The following ZNF442 variants were observed in gnomAD, a reference collection of about 807,000 sequenced individuals.
ZNF442 encodes zinc finger protein 442.
A neutral mutation model predicts 57.0 loss-of-function variants in ZNF442; 45 were observed. The ratio of observed to expected loss-of-function variants is 0.79; its 90% CI spans 0.62 to 1.01. ZNF442 has a LOEUF of 1.01. Ranked by LOEUF, ZNF442 falls within the 50% of genes least tolerant of loss-of-function variation. The pLI is 0.00. For missense variants in ZNF442, 690 were observed against 756.5 expected, an observed-to-expected ratio of 0.91 and a Z score of 1.03; for synonymous variants, 213 against 241.8, an observed-to-expected ratio of 0.88 and a Z score of 1.10.
At chr19:12,357,222 A>G (rs1029962148) in intron 3 of ZNF442, among the ~76,000 whole-genome samples, 4 of 150,182 alleles carry the variant, frequency 2.7e-5, no homozygotes, top group Admixed American at 6.6e-5. Flanking sequence ...TTTTAGTTCT[A>G]TTTTTTTTGC....
chr19:12,356,326 T>A (rs1291512132), intron 3 of ZNF442, among the ~76,000 whole-genome samples: 1 of 151,854 alleles, frequency 6.6e-6, no homozygotes, highest in Non-Finnish European at 1.5e-5. Context: ...ATGTACAGTA[T>A]GCTTAAAAAC....
upstream of ZNF442, chr19:12,365,998 A>G (rs1356247176): frequency 6.6e-6 from 1 of 152,224 alleles, no homozygotes; most frequent in Non-Finnish European, 1.5e-5. Context: ...TTCGAGACTC[A>G]CTGCCCAGTG....
rs1020483655 is a variant in ZNF442 at position 12,362,685 on chromosome 19, C to T, written c.78+869G>A. On this transcript the variant is annotated intron_variant, in intron 3 of 5. Transcript: ENST00000242804. ...CTGGGAGGTGGGGGGCCCCTCTGCC[C>T]GGCCGCCACCCCGTCTGGGAGGTGT... Among the ~76,000 whole-genome samples, 7 of 149,030 alleles carry T rather than the reference C, an allele frequency of 4.7e-5. No individual in the cohort carries two copies. The South Asian group carries it at 6.2e-4, about 13-fold the overall frequency.
At chr19:12,355,363 A>AT (rs111591151) in intron 3 of ZNF442, among the ~76,000 whole-genome samples, 1,796 of 137,172 alleles carry the variant, frequency 0.013, 14 homozygotes, top group Non-Finnish European at 0.021. Flanking sequence ...TTTAATGAGA[A>AT]TTTTTTTTTT....
chr19:12,353,298 T>C (rs968847733), intron 3 of ZNF442, among the ~76,000 whole-genome samples, 184 bp from the exon 4 acceptor site: 1 of 152,240 alleles, frequency 6.6e-6, no homozygotes, highest in Non-Finnish European at 1.5e-5. Context: ...TAGAATTGAA[T>C]GTTGTTGTAC....
the ZNF442 span, among the ~76,000 whole-genome samples, chr19:12,372,295 A>G: frequency 6.6e-6 from 1 of 152,068 alleles, no homozygotes; most frequent in East Asian, 1.9e-4. Context: ...CATCTCTACT[A>G]AAAATACAAA....
Position 12,349,736 on chromosome 19 carries a change from T to C in ZNF442, c.1849A>G (p.Arg617Gly), listed in dbSNP as rs1370431426. 2.2e-5 allele frequency: 35 copies of C among 1,612,696 alleles called. No homozygotes were observed. The highest frequency in any genetic ancestry group is 1.6e-4 in the Middle Eastern group (1 of 6,072). ...TCTCTCCAGTGAGTCCTTTTATGTCTATGCAAGGAACTGAGAGAACTCAGT... is the reference window on the plus strand; with the variant it reads ...TCTCTCCAGTGAGTCCTTTTATGTCCATGCAAGGAACTGAGAGAACTCAGT... ...KALSSLSSLH[R>G]HKRTHWRDTL The change falls in exon 6 of 6, where the codon AGA becomes GGA. Residue 617 changes from arginine to glycine, a missense_variant. Arg to Gly is a moderately radical substitution (Grantham distance 125, BLOSUM62 -2). Coordinates refer to ENST00000242804, the MANE Select transcript of ZNF442 (RefSeq NM_030824.3).
At chr19:12,370,338 G>T (rs1222483836), upstream of ZNF442, among the ~76,000 whole-genome samples, 4 of 151,990 alleles carry the variant, frequency 2.6e-5, no homozygotes, top group African/African-American at 9.7e-5. Flanking sequence ...TGCTGCCTCT[G>T]ATATGACAGA....
At chr19:12,355,318 C>T (rs889161670) in intron 3 of ZNF442, among the ~76,000 whole-genome samples, 2 of 147,184 alleles carry the variant, frequency 1.4e-5, no homozygotes, top group Non-Finnish European at 3.0e-5. Context: ...AAAGACAAAA[C>T]TAGTATTTTA....
upstream of ZNF442, among the ~76,000 whole-genome samples, chr19:12,366,874 A>G (rs1969538151): frequency 6.6e-6 from 1 of 152,194 alleles, no homozygotes; most frequent in Non-Finnish European, 1.5e-5. Context: ...AGCTCAGGCA[A>G]TCCGCCGGCC....
At chr19:12,359,291 G>A (rs981196388) in intron 3 of ZNF442, among the ~76,000 whole-genome samples, 2 of 151,992 alleles carry the variant, frequency 1.3e-5, no homozygotes, top group African/African-American at 2.4e-5. Flanking sequence ...TTTACCCAAG[G>A]CCTGTAATTC....
Position 12,350,079 on chromosome 19 carries a change from G to T in ZNF442, c.1506C>A (p.Tyr502Ter). The change falls in exon 6 of 6, where the codon TAC (tyrosine) becomes TAA (stop). Residue 502 changes from tyrosine to a stop codon, truncating the protein, a stop_gained. Coordinates refer to ENST00000242804, the MANE Select transcript of ZNF442 (RefSeq NM_030824.3). LOFTEE classifies it high-confidence loss of function. ...ECGKAFSCFT[Y>*]LSQHRRTHMA... ...TGTGAGTCCTTCTATGTTGAGAAAG[G>T]TATGTGAAACAACTGAATGCTTTCC... 6.2e-7 allele frequency: 1 copy of T among 1,613,838 alleles called. No homozygotes were observed. The highest frequency in any genetic ancestry group is 8.5e-7 in the Non-Finnish European group (1 of 1,179,938).
chr19:12,350,193 T>C lies in ZNF442; in HGVS notation c.1392A>G (p.Lys464=). ...THTGEKPYKC[K]CGKAFIDFYS... ...AGAAATCAATAAAGGCTTTCCCACATTTACATTTATAGGGTTTCTCTCCAG... is the reference window on the plus strand; with the variant it reads ...AGAAATCAATAAAGGCTTTCCCACACTTACATTTATAGGGTTTCTCTCCAG... The change falls in exon 6 of 6, where the codon AAA becomes AAG. Residue 464 remains lysine, a synonymous_variant. Transcript: ENST00000242804. 6.2e-7 allele frequency: 1 copy of C among 1,613,626 alleles called. No homozygotes were observed. The highest frequency in any genetic ancestry group is 8.5e-7 in the Non-Finnish European group (1 of 1,179,858).
intron 3 of ZNF442, among the ~76,000 whole-genome samples, chr19:12,361,447 G>T (rs1969424133): frequency 6.6e-6 from 1 of 152,038 alleles, no homozygotes; most frequent in Non-Finnish European, 1.5e-5. Flanking sequence ...CTAAAGTTTT[G>T]GTAAATCTTT....
chr19:12,357,116 T>C (rs1006624372), intron 3 of ZNF442, among the ~76,000 whole-genome samples: 1 of 152,172 alleles, frequency 6.6e-6, no homozygotes, highest in Non-Finnish European at 1.5e-5. Flanking sequence ...ATCAAAAACC[T>C]TTTCATCGTA....
In ZNF442 at chr19:12,365,543, C is replaced by A. The variant is rs1315022842; in HGVS notation, c.-493G>T. The A allele has an allele frequency of 3.6e-6, 2 of 561,840 alleles. No homozygotes were observed. The highest frequency in any genetic ancestry group is 4.0e-5 in the African/African-American group (2 of 49,670). 34.8% of individuals were successfully genotyped at this position (561,840 alleles called of 1,614,324 possible). A position where few individuals can be genotyped will look rare whatever the true frequency, so the allele number is the denominator to read the frequency against. ...GCCCCGCACACTCACCATTTCCCGGCTTCCGCGGTGTCCCGTGTTCTCCCC... is the reference window on the plus strand; with the variant it reads ...GCCCCGCACACTCACCATTTCCCGGATTCCGCGGTGTCCCGTGTTCTCCCC... On this transcript the variant is annotated 5_prime_UTR_variant, in exon 1 of 6. Transcript: ENST00000242804.
At chr19:12,366,020 T>C (rs1321465127), upstream of ZNF442, 1 of 152,294 alleles carries the variant, frequency 6.6e-6, no homozygotes, top group Non-Finnish European at 1.5e-5. Context: ...AGCCATCCCC[T>C]GGCCTCAGAG....
chr19:12,353,048 A>G lies in ZNF442; in HGVS notation c.145T>C (p.Ser49Pro), dbSNP rs368088408. 6.8e-6 allele frequency: 11 copies of G among 1,613,630 alleles called. No homozygotes were observed. The highest frequency in any genetic ancestry group is 6.7e-5 in the African/African-American group (5 of 74,898). ...ACATCTCTGTACAGACTCTTCTGTG[A>G]TGGACCCAGCAAAGCCCACTCTTCC... ...TQEEWALLGP[S>P]QKSLYRDVMW... Residue 49 changes from serine to proline, a missense_variant, in exon 4 of 6, where the codon TCA becomes CCA. Ser to Pro is a moderately conservative substitution (Grantham distance 74, BLOSUM62 -1). Coordinates refer to ENST00000242804, the MANE Select transcript of ZNF442 (RefSeq NM_030824.3).
intron 2 of ZNF442, among the ~76,000 whole-genome samples, chr19:12,364,407 C>CGAAAAAAAA (rs1969495763): frequency 1.1e-5 from 1 of 93,154 alleles, no homozygotes; most frequent in African/African-American, 4.0e-5. Context: ...AACTCCATCT[C>CGAAAAAAAA]AAAAAAAAAA....
Sources: gnomAD v4.1 joint callset for allele counts (sites outside exome capture counted in the v4.1 genomes callset) on GRCh38, gnomAD v4.1.1 for gene constraint, MANE v1.5 for transcripts, NCBI Gene and HGNC (gene_info 2026-07-23, HGNC 2026-07-21) for gene names.